Variants in SLC35F5 observed in about 807,000 individuals in gnomAD.
The protein encoded by SLC35F5 is HCV NS5A-transactivated protein 3.
A neutral mutation model predicts 68.6 loss-of-function variants in SLC35F5; 54 were observed. The ratio of observed to expected loss-of-function variants is 0.79; its 90% CI spans 0.63 to 0.99. SLC35F5 has a LOEUF of 0.99. Among genes scored for constraint, SLC35F5 ranks in the 50% least tolerant of loss-of-function variants. The probability of loss-of-function intolerance (pLI) is 0.00; values close to 1 mark genes in which losing one functional copy is unlikely to be tolerated. For synonymous variants in SLC35F5, 211 were observed against 205.2 expected, an observed-to-expected ratio of 1.03 and a Z score of -0.24; for missense variants, 567 against 626.9, an observed-to-expected ratio of 0.90 and a Z score of 1.02.
rs114770762 is a variant in SLC35F5, at chr2:113,735,309, G to A, written c.832+468C>T. Among the ~76,000 whole-genome samples the A allele has an allele frequency of 9.4e-3, 1,430 of 152,292 alleles. 29 individuals are homozygous for A. Among genetic ancestry groups the A allele is most frequent in the African/African-American group, 0.032 (1,313 of 41,560 alleles). On this transcript the variant is annotated intron_variant, in intron 8 of 15. Transcript: ENST00000245680. ...GCTTAACAACAGGGATAAATACAGA[G>A]AAAATGTGTGTCGTTAGGCAATGTC...
chr2:113,754,472 T>C (rs1029741466), intron 3 of SLC35F5, among the ~76,000 whole-genome samples: 2 of 152,132 alleles, frequency 1.3e-5, no homozygotes, highest in Admixed American at 1.3e-4. Context: ...AACGTAGAAG[T>C]TGAAATGCAG....
intron 7 of SLC35F5, among the ~76,000 whole-genome samples, chr2:113,736,260 GA>G (rs1198220500): frequency 1.4e-5 from 2 of 145,926 alleles, no homozygotes; most frequent in African/African-American, 5.0e-5. Flanking sequence ...GCAACACAGT[GA>G]AACCCCATTT....
intron 11 of SLC35F5, among the ~76,000 whole-genome samples, chr2:113,727,484 C>A (rs1265656514): frequency 6.6e-6 from 1 of 152,090 alleles, no homozygotes; most frequent in Non-Finnish European, 1.5e-5. Context: ...TTTTCTAGTC[C>A]CTGAAGTGCT....
intron 15 of SLC35F5, among the ~76,000 whole-genome samples, chr2:113,716,560 T>C (rs77300227): frequency 6.6e-6 from 1 of 152,252 alleles, no homozygotes; most frequent in Non-Finnish European, 1.5e-5. Flanking sequence ...AGGAGTCAAC[T>C]TGAAAATAAT....
chr2:113,743,625 A>G lies in SLC35F5; in HGVS notation c.562+88T>C, dbSNP rs185930888. ...CAAGACCACATGGAGCAGAACTGCT[A>G]CATGTTTCAGTCAACCCACATCATC... On this transcript the variant is annotated intron_variant, in intron 6 of 15. Transcript: ENST00000245680. The G allele has an allele frequency of 6.1e-6, 6 of 979,564 alleles. No homozygotes were observed. The African/African-American group carries it at 9.6e-5, about 16-fold the overall frequency. The allele number at this position is 979,564 out of a possible 1,614,324, so 60.7% of individuals were successfully genotyped here.
chr2:113,753,962 A>C (rs1676861218), intron 3 of SLC35F5, among the ~76,000 whole-genome samples: 1 of 152,162 alleles, frequency 6.6e-6, no homozygotes, highest in Admixed American at 6.6e-5. Flanking sequence ...TATATGGTCT[A>C]TTAGATTCCA....
intron 4 of SLC35F5, among the ~76,000 whole-genome samples, chr2:113,748,535 T>C (rs1676605774): frequency 6.6e-6 from 1 of 152,204 alleles, no homozygotes; most frequent in Admixed American, 6.5e-5. Flanking sequence ...GTCAAAATAT[T>C]ATCAGTGGTT....
intron 9 of SLC35F5, among the ~76,000 whole-genome samples, chr2:113,734,197 A>G (rs567097143): frequency 1.3e-5 from 2 of 152,368 alleles, no homozygotes; most frequent in African/African-American, 4.8e-5. Flanking sequence ...ACTGAATGTT[A>G]GCTTTCTAAG....
rs768142063 is a variant in SLC35F5, at chr2:113,756,375, C to T, written c.35G>A (p.Arg12Lys). The T allele has an allele frequency of 4.5e-6, 7 of 1,570,830 alleles. No homozygotes were observed. The highest frequency in any genetic ancestry group is 6.0e-6 in the Non-Finnish European group (7 of 1,158,918). The change falls in exon 1 of 16, where the codon AGG becomes AAG. Residue 12 changes from arginine to lysine, a missense_variant. Transcript: ENST00000245680. Reference sequence around the variant, plus strand: ...GCCCTTCCCTGCCTGCCTACCTGGCCTTCCTGCCCCGCGATGGCGTCGTGG... The same window carrying T: ...GCCCTTCCCTGCCTGCCTACCTGGCTTTCCTGCCCCGCGATGGCGTCGTGG... ...VPPRRHRGAG[R>K]PGVLSSSPPF...
chr2:113,750,430 C>A lies in SLC35F5; in HGVS notation c.412G>T (p.Ala138Ser). ...AGTTAAAATTAAAAACTTACAAAAG[C>A]AGCATGCTTTCCGCGAAGTCCTCTT... The part of the protein sequence containing the change: ...CTRGLRGKHA[A>S]FFADAEGYFA... Residue 138 changes from alanine (A) to serine (S), a missense_variant, in exon 4 of 16, where the codon GCT (alanine) becomes TCT (serine). Ala to Ser is a moderately conservative substitution (Grantham distance 99). Transcript: ENST00000245680. The A allele has an allele frequency of 6.3e-7, 1 of 1,596,970 alleles. No individual in the cohort carries two copies. The highest frequency in any genetic ancestry group is 8.5e-7 in the Non-Finnish European group (1 of 1,172,884).
At chr2:113,745,249 T>C (rs1006214536) in intron 5 of SLC35F5, among the ~76,000 whole-genome samples, 4 of 152,186 alleles carry the variant, frequency 2.6e-5, no homozygotes, top group African/African-American at 4.8e-5. Flanking sequence ...AATTATTTTA[T>C]TGATGCTTAA....
chr2:113,708,039 T>C lies in SLC35F5; in HGVS notation c.*7179A>G, dbSNP rs979464635. 9.2e-5 allele frequency among the ~76,000 whole-genome samples: 14 copies of C among 152,116 alleles called. No homozygotes were observed. The highest frequency in any genetic ancestry group is 2.0e-4 in the Admixed American group (3 of 15,260). ...CTCTCTCTGCTCAGGTTTTGGAAAA[T>C]AGATCTTTCAAATGCAATTGCAGTA... On this transcript the variant is annotated 3_prime_UTR_variant, in exon 16 of 16. Coordinates refer to ENST00000245680, the MANE Select transcript of SLC35F5 (RefSeq NM_025181.5).
Position 113,750,574 on chromosome 2 carries a change from G to A in SLC35F5, c.274-6C>T. ...TTGTACTGGGTAAAAACATACTGTA[G>A]AGGAAAAAGTTACACAGACAACTCT... On this transcript the variant is annotated splice_polypyrimidine_tract_variant and splice_region_variant and intron_variant, in intron 3 of 15. Coordinates refer to ENST00000245680, the MANE Select transcript of SLC35F5 (RefSeq NM_025181.5). 6.3e-7 allele frequency: 1 copy of A among 1,596,240 alleles called. No individual in the cohort carries two copies. The highest frequency in any genetic ancestry group is 8.5e-7 in the Non-Finnish European group (1 of 1,172,684).
intron 3 of SLC35F5, among the ~76,000 whole-genome samples, chr2:113,753,114 A>T (rs1574275553): frequency 6.7e-6 from 1 of 150,032 alleles, no homozygotes; most frequent in African/African-American, 2.4e-5. Flanking sequence ...TAACCATAAT[A>T]AAAAGACTGA....
intron 15 of SLC35F5, among the ~76,000 whole-genome samples, chr2:113,716,500 G>T (rs945950865): frequency 1.3e-5 from 2 of 152,140 alleles, no homozygotes; most frequent in Non-Finnish European, 2.9e-5. Context: ...GGGATGATGA[G>T]GAGGCAGAAC....
chr2:113,713,919 G>A lies in SLC35F5; in HGVS notation c.*1299C>T, dbSNP rs1687084162. 6.6e-6 allele frequency: 1 copy of A among 152,114 alleles called. No homozygotes were observed. The highest frequency in any genetic ancestry group is 2.4e-5 in the African/African-American group (1 of 41,442). 9.4% of individuals were successfully genotyped at this position (152,114 alleles called of 1,614,324 possible). On this transcript the variant is annotated 3_prime_UTR_variant, in exon 16 of 16. Coordinates refer to ENST00000245680, the MANE Select transcript of SLC35F5 (RefSeq NM_025181.5). ...GCAATTTTAAGAATGTGAATAGGAA[G>A]CTAAACACTGCAAAGAGAATTCTTA...
rs937457693 is a variant in SLC35F5 at position 113,739,351 on chromosome 2, T to C, written c.750+3341A>G. ...AATCTCTATTATTTTTATCGTTGTA[T>C]TGCTATTCTTCTATTTTTTCACCTT... is the stretch of plus-strand genomic sequence containing the variant. On this transcript the variant is annotated intron_variant, in intron 7 of 15. Coordinates refer to ENST00000245680, the MANE Select transcript of SLC35F5 (RefSeq NM_025181.5). 2.0e-5 allele frequency among the ~76,000 whole-genome samples: 3 copies of C among 151,644 alleles called. 1 individual carries two copies. Among genetic ancestry groups the C allele is most frequent in the African/African-American group, 7.3e-5 (3 of 40,928 alleles).
At chr2:113,728,610 G>A (rs1687757845) in intron 11 of SLC35F5, among the ~76,000 whole-genome samples, 1 of 152,138 alleles carries the variant, frequency 6.6e-6, no homozygotes, top group Non-Finnish European at 1.5e-5. Flanking sequence ...CAGTTTAGAG[G>A]CCATTCATCT....
intron 1 of SLC35F5, 137 bp from the exon 2 acceptor site, chr2:113,755,681 A>G (rs1326056653): frequency 1.9e-6 from 2 of 1,053,708 alleles, no homozygotes; most frequent in Non-Finnish European, 2.9e-6. Flanking sequence ...CATACTTGCC[A>G]CCTTTCTCAG....
Sources: allele counts gnomAD v4.1 joint callset (sites outside exome capture counted in the v4.1 genomes callset), GRCh38; gene constraint gnomAD v4.1.1; transcripts MANE v1.5; gene names NCBI Gene and HGNC (gene_info 2026-07-23, HGNC 2026-07-21).